SPACA7: variants seen among roughly 807,000 people sequenced by gnomAD.
SPACA7 encodes the protein sperm acrosome-associated protein 7.
A neutral mutation model predicts 26.3 loss-of-function variants in SPACA7; 19 were observed. That is an observed-to-expected ratio of 0.72 (90% CI 0.50 to 1.06). SPACA7 has a LOEUF of 1.06. SPACA7 is among the 50% of genes least tolerant of loss of function. The pLI, the probability that SPACA7 is intolerant of heterozygous loss-of-function variation, is 0.00. For synonymous variants in SPACA7, 84 were observed against 84.5 expected (o/e 0.99, Z 0.04); for missense variants, 211 against 229.9 (o/e 0.92, Z 0.53).
intron 1 of SPACA7, among the ~76,000 whole-genome samples, chr13:112,382,930 A>G (rs1279538054): frequency 6.6e-6 from 1 of 151,814 alleles, no homozygotes; most frequent in Non-Finnish European, 1.5e-5. Context: ...CAGCAGTTGC[A>G]GTAAGCTGAG....
intron 1 of SPACA7, among the ~76,000 whole-genome samples, chr13:112,380,783 G>C (rs906452997): frequency 3.3e-5 from 5 of 152,058 alleles, no homozygotes; most frequent in Non-Finnish European, 5.9e-5. Flanking sequence ...TTTATACTTT[G>C]CACAGGAAGT....
At chr13:112,383,660 C>T (rs1281383127) in intron 1 of SPACA7, among the ~76,000 whole-genome samples, 2 of 152,116 alleles carry the variant, frequency 1.3e-5, no homozygotes, top group Non-Finnish European at 2.9e-5. Context: ...AGTTCCTGGG[C>T]CTGTTAGAAA....
At chr13:112,405,918 A>G (rs1885960197) in intron 5 of SPACA7, among the ~76,000 whole-genome samples, 1 of 152,130 alleles carries the variant, frequency 6.6e-6, no homozygotes, top group Admixed American at 6.5e-5. Context: ...TTTCTTTGTC[A>G]TGTTAATGTT....
At chr13:112,382,730 G>A (rs1475091476) in intron 1 of SPACA7, among the ~76,000 whole-genome samples, 1 of 152,152 alleles carries the variant, frequency 6.6e-6, no homozygotes, top group East Asian at 1.9e-4. Context: ...GCTTACACCT[G>A]TAATCCCAGC....
At chr13:112,406,542 A>G (rs1485005203) in intron 5 of SPACA7, among the ~76,000 whole-genome samples, 1 of 152,236 alleles carries the variant, frequency 6.6e-6, no homozygotes, top group East Asian at 1.9e-4. Flanking sequence ...TCTAAAAATT[A>G]GCAAGGGACT....
chr13:112,399,012 A>C, intron 3 of SPACA7, 54 bp from the exon 4 acceptor site: 1 of 1,059,292 alleles, frequency 9.4e-7, no homozygotes, highest in Non-Finnish European at 1.5e-6. Context: ...AAATGTTTAT[A>C]CCTGTGTAAT....
At chr13:112,379,987 A>G (rs1883940477) in intron 1 of SPACA7, among the ~76,000 whole-genome samples, 1 of 152,238 alleles carries the variant, frequency 6.6e-6, no homozygotes, top group African/African-American at 2.4e-5. Context: ...GAGGAGACTC[A>G]GTTTTCTTAA....
intron 5 of SPACA7, among the ~76,000 whole-genome samples, chr13:112,402,231 G>A (rs887454615): frequency 2.0e-5 from 3 of 152,150 alleles, no homozygotes; most frequent in Non-Finnish European, 4.4e-5. Context: ...ATATTTTTAA[G>A]TCTTCCTTGT....
At chr13:112,383,121 AAAAGAAAGAAAGAAAG>A (rs1233884331) in intron 1 of SPACA7, among the ~76,000 whole-genome samples, 4,735 of 33,364 alleles carry the variant, frequency 0.14, 259 homozygotes, top group East Asian at 0.17. Flanking sequence ...AAAAGAAAAG[AAAAGAAAGAAAGAAAG>A]AAAGAAAGAA....
chr13:112,405,735 G>A (rs1441115232), intron 5 of SPACA7, among the ~76,000 whole-genome samples: 1 of 152,038 alleles, frequency 6.6e-6, no homozygotes, highest in Non-Finnish European at 1.5e-5. Context: ...TATTCAACCT[G>A]TCTTTTGTTA....
chr13:112,407,078 C>A (rs1240829481), intron 5 of SPACA7, among the ~76,000 whole-genome samples: 1 of 152,206 alleles, frequency 6.6e-6, no homozygotes, highest in African/African-American at 2.4e-5. Flanking sequence ...CAAAACCACT[C>A]AACTACATGG....
intron 5 of SPACA7, among the ~76,000 whole-genome samples, chr13:112,427,286 T>G (rs1876631000): frequency 6.6e-6 from 1 of 152,202 alleles, no homozygotes; most frequent in Non-Finnish European, 1.5e-5. Flanking sequence ...GGCAGCTTTA[T>G]TCACTAAAGC....
chr13:112,390,357 A>T (rs1884802430), intron 1 of SPACA7, among the ~76,000 whole-genome samples: 1 of 152,110 alleles, frequency 6.6e-6, no homozygotes, highest in South Asian at 2.1e-4. Flanking sequence ...GCAGGTCAGG[A>T]GGGTTTTAGA....
chr13:112,401,373 C>A (rs1885627533), intron 5 of SPACA7, among the ~76,000 whole-genome samples: 1 of 152,122 alleles, frequency 6.6e-6, no homozygotes, highest in Non-Finnish European at 1.5e-5. Flanking sequence ...TGTTTAAGGG[C>A]CATTTTTATA....
At chr13:112,406,708 C>T (rs1380376022) in intron 5 of SPACA7, among the ~76,000 whole-genome samples, 1 of 152,046 alleles carries the variant, frequency 6.6e-6, no homozygotes, top group Non-Finnish European at 1.5e-5. Flanking sequence ...TGAGTTAAGC[C>T]CATTTACATT....
intron 5 of SPACA7, among the ~76,000 whole-genome samples, chr13:112,403,631 A>G (rs996042603): frequency 1.3e-5 from 2 of 152,042 alleles, no homozygotes; most frequent in African/African-American, 4.8e-5. Flanking sequence ...ATGCCTTTCC[A>G]TCCTCATAGC....
chr13:112,415,159 G>T (rs942341964), intron 5 of SPACA7, among the ~76,000 whole-genome samples: 2 of 152,150 alleles, frequency 1.3e-5, no homozygotes, highest in African/African-American at 4.8e-5. Flanking sequence ...ACTTCCCTCT[G>T]TTTCCCCATA....
Position 112,385,083 on chromosome 13 carries a change from CA to C in SPACA7, c.95-7937del, listed in dbSNP as rs1206674038. 9.9e-5 allele frequency among the ~76,000 whole-genome samples: 15 copies of C among 152,280 alleles called. 1 individual carries two copies. The highest frequency in any genetic ancestry group is 3.6e-4 in the African/African-American group (15 of 41,560). ...ATGGGCCCAAATTCTGGCCCCACAT[CA>C]GTATGATTTTAATATTTTAGCCTAC... On this transcript the variant is annotated intron_variant, in intron 1 of 6. Transcript: ENST00000283550.
chr13:112,392,235 C>G (rs545537390), intron 1 of SPACA7, among the ~76,000 whole-genome samples: 1 of 152,162 alleles, frequency 6.6e-6, no homozygotes, highest in African/African-American at 2.4e-5. Flanking sequence ...TGGGAAGGGG[C>G]TAACAAGGAG....
Sources: allele counts gnomAD v4.1 joint callset (sites outside exome capture counted in the v4.1 genomes callset), GRCh38; gene constraint gnomAD v4.1.1; transcripts MANE v1.5; gene names NCBI Gene and HGNC (gene_info 2026-07-23, HGNC 2026-07-21).